The following DGKK variants were observed in gnomAD, a reference collection of about 807,000 sequenced individuals.
The protein encoded by DGKK is 142 kDa diacylglycerol kinase.
Under a neutral mutation model 92.2 loss-of-function variants are expected in DGKK, and 35 were observed. The observed-to-expected ratio is 0.38, with a 90% CI of 0.29 to 0.50. DGKK has a LOEUF of 0.50. DGKK is among the 20% of genes least tolerant of loss of function. The probability of loss-of-function intolerance (pLI) is 0.92; values close to 1 mark genes in which losing one functional copy is unlikely to be tolerated. For synonymous variants in DGKK, 368 were observed against 360.6 expected, an observed-to-expected ratio of 1.02 and a Z score of -0.23; for missense variants, 910 against 992.2, an observed-to-expected ratio of 0.92 and a Z score of 1.11.
chrX:50,470,568 C>CGGT lies in DGKK; in HGVS notation c.108_110dup (p.Pro37dup), dbSNP rs782033910. On this transcript the variant is annotated inframe_insertion, in exon 1 of 28. Coordinates refer to ENST00000611977, the MANE Select transcript of DGKK (RefSeq NM_001013742.4). Reference sequence around the variant, plus strand: ...GCAGCGGCGGAGCCGGCGGCGGAGCCGGTGGTGGTGGCGGCGGCGGCCAAG... The same window carrying CGGT: ...GCAGCGGCGGAGCCGGCGGCGGAGCCGGTGGTGGTGGTGGCGGCGGCGGCCAAG... The CGGT allele has an allele frequency of 8.3e-7, 1 of 1,203,384 alleles. No homozygotes were observed. Among genetic ancestry groups the CGGT allele is most frequent in the African/African-American group, 1.7e-5 (1 of 57,650 alleles).
At chrX:50,391,948 AG>A (rs1344231710) in intron 10 of DGKK, among the ~76,000 whole-genome samples, 2 of 112,346 alleles carry the variant, frequency 1.8e-5, no homozygotes, top group African/African-American at 6.5e-5. Flanking sequence ...CGGCTGCCTA[AG>A]GACAGTAAGG....
At chrX:50,389,048 G>T (rs1319680382) in intron 12 of DGKK, among the ~76,000 whole-genome samples, 1 of 111,472 alleles carries the variant, frequency 9.0e-6, no homozygotes, top group Non-Finnish European at 1.9e-5. Context: ...TCTGTTCTAA[G>T]CTACATGTAT....
At chrX:50,446,320 GA>G (rs782128895) in intron 1 of DGKK, among the ~76,000 whole-genome samples, 51 of 111,323 alleles carry the variant, frequency 4.6e-4, no homozygotes, top group Non-Finnish European at 8.7e-4. Flanking sequence ...GTACTATGTT[GA>G]ATAGGAGTTC....
chrX:50,375,908 G>T, intron 24 of DGKK, 116 bp downstream of exon 24: 1 of 906,615 alleles, frequency 1.1e-6, no homozygotes, highest in Non-Finnish European at 1.5e-6. Flanking sequence ...CTCTCCATCA[G>T]TTTCCTGCCA....
At chrX:50,444,336 A>C (rs1170592581) in intron 1 of DGKK, among the ~76,000 whole-genome samples, 2 of 110,971 alleles carry the variant, frequency 1.8e-5, no homozygotes, top group Non-Finnish European at 3.8e-5. Flanking sequence ...CAGGTTTGTT[A>C]TATAAGTAAG....
rs782762870 is a variant in DGKK at position 50,387,581 on chromosome X, G to A, written c.2091C>T (p.Asn697=). 1.7e-6 allele frequency: 2 copies of A among 1,206,960 alleles called. No homozygotes were observed. The highest frequency in any genetic ancestry group is 4.4e-5 in the Admixed American group (2 of 45,915). ...TCAAAATCACAGACACTATTGCAGT[G>A]TTGTTCTGTTTTATCTGACCCCAGG... The part of the protein sequence containing the change: ...VKAWGQIKQN[N]TAIVSVILKS... The change falls in exon 14 of 28, where the codon AAC becomes AAT. Residue 697 remains asparagine, a synonymous_variant. Transcript: ENST00000611977.
chrX:50,431,329 C>T, intron 1 of DGKK, among the ~76,000 whole-genome samples: 1 of 111,350 alleles, frequency 9.0e-6, no homozygotes, highest in Admixed American at 9.6e-5. Context: ...CTGCTTGGTT[C>T]GTTTTTGATG....
At position 50,378,193 on chromosome X, in the gene DGKK, T is replaced by C; in HGVS notation, c.3016A>G (p.Ile1006Val). ...VMITIDGEEGIPVQVDGEAWI... is the reference protein window; with the variant it reads ...VMITIDGEEGVPVQVDGEAWI... ...GCCTCCCCATCCACCTGCACTGGGA[T>C]ACCTTCTTCACCATCAATGGTTATC... The change falls in exon 22 of 28, where the codon ATC becomes GTC. Residue 1006 changes from isoleucine (I) to valine (V), a missense_variant. Coordinates refer to ENST00000611977, the MANE Select transcript of DGKK (RefSeq NM_001013742.4). 9.1e-6 allele frequency: 11 copies of C among 1,210,963 alleles called. No homozygotes were observed. Among genetic ancestry groups the C allele is most frequent in the Non-Finnish European group, 1.2e-5 (11 of 895,119 alleles).
At chrX:50,432,711 G>C (rs1294980419) in intron 1 of DGKK, among the ~76,000 whole-genome samples, 1 of 112,456 alleles carries the variant, frequency 8.9e-6, no homozygotes, top group Non-Finnish European at 1.9e-5. Context: ...AATATCAAGA[G>C]TTGATGACTT....
intron 1 of DGKK, among the ~76,000 whole-genome samples, chrX:50,442,834 C>T (rs963603231): frequency 9.0e-6 from 1 of 110,503 alleles, no homozygotes; most frequent in Non-Finnish European, 1.9e-5. Flanking sequence ...AGGTATGCTC[C>T]CAATCTCCCT....
chrX:50,370,156 C>A (rs911924871), intron 27 of DGKK, among the ~76,000 whole-genome samples: 1 of 112,037 alleles, frequency 8.9e-6, no homozygotes, highest in Non-Finnish European at 1.9e-5. Flanking sequence ...AGGAGTGAAT[C>A]AGGCAGAAAA....
intron 4 of DGKK, among the ~76,000 whole-genome samples, chrX:50,405,424 C>T (rs1333572068): frequency 5.4e-5 from 6 of 111,230 alleles, no homozygotes; most frequent in East Asian, 5.7e-4. Flanking sequence ...TAGGCGTACA[C>T]AGAGCTTTTC....
chrX:50,462,176 T>A (rs1439349252), intron 1 of DGKK, among the ~76,000 whole-genome samples: 1 of 111,376 alleles, frequency 9.0e-6, no homozygotes, highest in Non-Finnish European at 1.9e-5. Context: ...TCTTTTTCTT[T>A]TGGACAGTGC....
chrX:50,395,691 A>T (rs1924831815), intron 8 of DGKK, among the ~76,000 whole-genome samples: 1 of 110,300 alleles, frequency 9.1e-6, no homozygotes, highest in South Asian at 3.9e-4. Context: ...TATGCTCATA[A>T]TTTGGCTCCT....
intron 2 of DGKK, among the ~76,000 whole-genome samples, chrX:50,423,217 C>T (rs963667660): frequency 8.9e-6 from 1 of 112,113 alleles, no homozygotes; most frequent in East Asian, 2.8e-4. Flanking sequence ...AGGAGATAGG[C>T]GCATTATACA....
chrX:50,435,732 T>C (rs1926002851), intron 1 of DGKK, among the ~76,000 whole-genome samples: 1 of 110,070 alleles, frequency 9.1e-6, no homozygotes, highest in Admixed American at 9.7e-5. Flanking sequence ...TGTGTGTGTG[T>C]GTATGAGAGA....
At position 50,403,574 on chromosome X, in the gene DGKK, A is replaced by G. The variant is rs1557226898; in HGVS notation, c.1102T>C (p.Leu368=). Residue 368 remains leucine (L), a synonymous_variant, in exon 6 of 28, where the codon TTG becomes CTG. Transcript: ENST00000611977. The stretch of plus-strand genomic sequence containing the variant: ...TCTTTGCTTGCTCTCAAAGCACACA[A>G]TCTGTGAGATTTCACTTTGCACACT... ...CEVCKVKSHR[L]CALRASKDCK... 8.3e-7 allele frequency: 1 copy of G among 1,208,139 alleles called. No individual in the cohort carries two copies.
At chrX:50,394,090 T>C (rs1191260740) in intron 8 of DGKK, among the ~76,000 whole-genome samples, 2 of 112,015 alleles carry the variant, frequency 1.8e-5, no homozygotes, top group Non-Finnish European at 3.8e-5. Context: ...TCAGAGCCTG[T>C]TGGCAGGGAG....
At chrX:50,371,911 G>C in intron 25 of DGKK, 77 bp from the exon 26 acceptor site, 1 of 615,034 alleles carries the variant, frequency 1.6e-6, no homozygotes, top group Non-Finnish European at 2.5e-6. Context: ...CCCACTCCCA[G>C]TCCCTGCTAG....
Sources: gnomAD v4.1 joint callset for allele counts (sites outside exome capture counted in the v4.1 genomes callset) on GRCh38, gnomAD v4.1.1 for gene constraint, MANE v1.5 for transcripts, NCBI Gene and HGNC (gene_info 2026-07-23, HGNC 2026-07-21) for gene names.